Variants in EZR observed in about 807,000 individuals in gnomAD.
EZR encodes ezrin.
In EZR, 40 loss-of-function variants were observed where a neutral mutation model predicts 74.8. The observed-to-expected ratio is 0.53, with a 90% CI of 0.42 to 0.70. EZR has a LOEUF of 0.70. Ranked by LOEUF, EZR falls within the 30% of genes least tolerant of loss-of-function variation. EZR has a pLI of 0.00. For missense variants in EZR, 678 were observed against 755.8 expected (o/e 0.90, Z 1.21); for synonymous variants, 341 against 283.3 (o/e 1.20, Z -2.05).
intron 2 of EZR, among the ~76,000 whole-genome samples, chr6:158,807,139 C>T (rs529613328): frequency 4.7e-4 from 72 of 152,070 alleles, no homozygotes; most frequent in Non-Finnish European, 2.4e-4. Context: ...GGTGAAACCC[C>T]GTCTCTACTA....
chr6:158,785,170 T>C (rs1200241124), intron 5 of EZR, 139 bp downstream of exon 5: 2 of 1,080,790 alleles, frequency 1.9e-6, no homozygotes, highest in East Asian at 5.0e-5. Context: ...CGCTGGTCAG[T>C]GACTTAATGA....
Position 158,771,215 on chromosome 6 carries a change from C to CCG in EZR, c.959+28_959+29insCG, listed in dbSNP as rs1554271615. 1.9e-6 allele frequency: 3 copies of CCG among 1,559,496 alleles called. No individual in the cohort carries two copies. In the African/African-American group the frequency reaches 4.8e-5, roughly 25 times the overall value. ...AGTGGCTGAGTTGGGAGAACACAGG[C>CCG]CCCCCCCACTCTGGCCTCACGCGCT... On this transcript the variant is annotated intron_variant, in intron 9 of 13. Transcript: ENST00000367075.
chr6:158,775,034 C>CT (rs397732491), intron 8 of EZR, among the ~76,000 whole-genome samples: 17,131 of 121,474 alleles, frequency 0.14, 2,017 homozygotes, highest in African/African-American at 0.26. Flanking sequence ...AGCAGGAGCC[C>CT]TTTTTTTTTT....
In EZR at chr6:158,766,904, G is replaced by A. The variant is rs755580961; in HGVS notation, c.*10C>T. 3.2e-5 allele frequency: 52 copies of A among 1,613,592 alleles called. No individual in the cohort carries two copies. The highest frequency in any genetic ancestry group is 4.2e-5 in the Non-Finnish European group (50 of 1,179,702). ...TGAGCACCCCTCTGCCCTTGGTCCT[G>A]GCCTGGCTGTTACAGGGCCTCGAAC... On this transcript the variant is annotated 3_prime_UTR_variant, in exon 14 of 14. Coordinates refer to ENST00000367075, the MANE Select transcript of EZR (RefSeq NM_001111077.2).
At chr6:158,814,435 A>G (rs1487601611) in intron 2 of EZR, among the ~76,000 whole-genome samples, 1 of 150,894 alleles carries the variant, frequency 6.6e-6, no homozygotes, top group East Asian at 1.9e-4. Context: ...CGGGTTTTCA[A>G]TTTCAGCATT....
At chr6:158,818,329 C>CGGGCG (rs529554854) in intron 1 of EZR, 163 bp from the exon 2 acceptor site, 3,617 of 253,592 alleles carry the variant, frequency 0.014, 62 homozygotes, top group African/African-American at 0.048. Flanking sequence ...GGAGGGGGCA[C>CGGGCG]GGGCGGGGCG....
At chr6:158,796,554 C>T (rs1353172014) in intron 2 of EZR, among the ~76,000 whole-genome samples, 4 of 152,144 alleles carry the variant, frequency 2.6e-5, no homozygotes, top group Non-Finnish European at 5.9e-5. Flanking sequence ...AATCATCTTG[C>T]CTGGCTTTTG....
At position 158,807,088 on chromosome 6, in the gene EZR, G is replaced by A. The variant is rs1047623389; in HGVS notation, c.12+10994C>T. 1.4e-4 allele frequency among the ~76,000 whole-genome samples: 22 copies of A among 152,232 alleles called. 1 individual carries two copies. Among genetic ancestry groups the A allele is most frequent in the African/African-American group, 2.2e-4 (9 of 41,556 alleles). On this transcript the variant is annotated intron_variant, in intron 2 of 13. Transcript: ENST00000367075. ...AGCACTTTGGGAGGCTGAGGCGGGC[G>A]GATCATGAGGTCAGGAGATCAAGAC...
chr6:158,797,322 C>T (rs767759726), intron 2 of EZR, among the ~76,000 whole-genome samples: 4 of 152,082 alleles, frequency 2.6e-5, no homozygotes, highest in Non-Finnish European at 2.9e-5. Context: ...TTTTTATGTA[C>T]TCAAAAATCA....
intron 2 of EZR, among the ~76,000 whole-genome samples, chr6:158,804,538 A>C (rs1777287161): frequency 6.6e-6 from 1 of 152,244 alleles, no homozygotes; most frequent in Non-Finnish European, 1.5e-5. Context: ...TTATACACAG[A>C]AACTTAAGTT....
intron 2 of EZR, among the ~76,000 whole-genome samples, chr6:158,793,718 C>CCACA (rs953873041): frequency 2.0e-5 from 3 of 152,134 alleles, no homozygotes; most frequent in African/African-American, 7.2e-5. Flanking sequence ...GCAACCCCAT[C>CCACA]CACACACACA....
At chr6:158,778,384 T>A (rs1336225179) in intron 7 of EZR, among the ~76,000 whole-genome samples, 1 of 152,202 alleles carries the variant, frequency 6.6e-6, no homozygotes, top group East Asian at 1.9e-4. Flanking sequence ...TAACAATTCA[T>A]AGCCACTCAT....
At chr6:158,769,098 C>G (rs1246949577) in intron 12 of EZR, among the ~76,000 whole-genome samples, 1 of 152,224 alleles carries the variant, frequency 6.6e-6, no homozygotes, top group Non-Finnish European at 1.5e-5. Context: ...AATCCAGCAG[C>G]TGCACTGACT....
intron 4 of EZR, among the ~76,000 whole-genome samples, chr6:158,786,610 T>C (rs1292848813): frequency 6.6e-6 from 1 of 151,250 alleles, no homozygotes; most frequent in Non-Finnish European, 1.5e-5. Flanking sequence ...CCACCTCCCA[T>C]CATCTTTTTA....
chr6:158,783,447 A>T, intron 7 of EZR, 73 bp downstream of exon 7: 1 of 1,441,948 alleles, frequency 6.9e-7, no homozygotes, highest in Non-Finnish European at 9.3e-7. Flanking sequence ...AATAACCCAC[A>T]AATTTGCCAT....
At chr6:158,815,855 A>T (rs1275336367) in intron 2 of EZR, among the ~76,000 whole-genome samples, 6 of 152,240 alleles carry the variant, frequency 3.9e-5, no homozygotes, top group Admixed American at 3.9e-4. Flanking sequence ...CTAATACACA[A>T]GGTGATGGCT....
intron 2 of EZR, among the ~76,000 whole-genome samples, chr6:158,798,603 G>C (rs913895324): frequency 6.6e-6 from 1 of 150,604 alleles, no homozygotes; most frequent in Non-Finnish European, 1.5e-5. Context: ...ATGGAAAAGG[G>C]ACTTAGTTTG....
intron 2 of EZR, among the ~76,000 whole-genome samples, chr6:158,809,021 C>T (rs1002572953): frequency 9.2e-5 from 14 of 152,138 alleles, no homozygotes; most frequent in African/African-American, 3.4e-4. Context: ...TGCGGTCCCC[C>T]AGGAGTTCAA....
chr6:158,765,980 T>G lies in EZR; in HGVS notation c.*934A>C, dbSNP rs1454543943. On this transcript the variant is annotated 3_prime_UTR_variant, in exon 14 of 14. Transcript: ENST00000367075. ...TGGAGTCTGAAAGCTCATAGTGGCA[T>G]GTGTGAATCTGACAAAATTAAAAGT... 6.6e-6 allele frequency: 1 copy of G among 152,618 alleles called. No individual in the cohort carries two copies. The highest frequency in any genetic ancestry group is 2.1e-4 in the South Asian group (1 of 4,838). 9.5% of individuals were successfully genotyped at this position (152,618 alleles called of 1,614,324 possible).
Sources: allele counts gnomAD v4.1 joint callset (sites outside exome capture counted in the v4.1 genomes callset), GRCh38; gene constraint gnomAD v4.1.1; transcripts MANE v1.5; gene names NCBI Gene and HGNC (gene_info 2026-07-23, HGNC 2026-07-21).